The following PAPPA2 variants were observed in gnomAD, a reference collection of about 807,000 sequenced individuals.
PAPPA2 encodes pappalysin 2, also known as pappalysin-2.
In PAPPA2, 86 loss-of-function variants were observed where a neutral mutation model predicts 176.4. The ratio of observed to expected loss-of-function variants is 0.49; its 90% CI spans 0.41 to 0.58. The LOEUF is 0.58. PAPPA2 is among the 20% of genes least tolerant of loss of function. PAPPA2 has a pLI of 0.00. For synonymous variants in PAPPA2, 809 were observed against 852.2 expected, an observed-to-expected ratio of 0.95 and a Z score of 0.88; for missense variants, 2,073 against 2,256.9, an observed-to-expected ratio of 0.92 and a Z score of 1.65.
At chr1:176,739,485 CATATTTTTAGCATTTATAAAAAAAATGG>C in intron 12 of PAPPA2, 113 bp from the exon 13 acceptor site, 1 of 807,170 alleles carries the variant, frequency 1.2e-6, no homozygotes, top group Non-Finnish European at 1.9e-6. Flanking sequence ...GTGTCTACTC[CATATTTTTAGCATTTATAAAAAAAATGG>C]AAGCTCTTAC....
intron 14 of PAPPA2, among the ~76,000 whole-genome samples, chr1:176,745,440 C>G (rs1410580341): frequency 6.6e-6 from 1 of 152,324 alleles, no homozygotes; most frequent in East Asian, 1.9e-4. Context: ...TGATTGTACT[C>G]AAGACCAAAG....
intron 1 of PAPPA2, among the ~76,000 whole-genome samples, chr1:176,482,167 G>T (rs1204547946): frequency 6.6e-6 from 1 of 152,138 alleles, no homozygotes; most frequent in Non-Finnish European, 1.5e-5. Context: ...GGTAAAAGAG[G>T]ACAGCCATTC....
At chr1:176,684,225 A>G (rs767650004) in intron 4 of PAPPA2, among the ~76,000 whole-genome samples, 51 of 152,328 alleles carry the variant, frequency 3.3e-4, no homozygotes, top group Non-Finnish European at 5.9e-4. Flanking sequence ...TGGAGTAAGA[A>G]GAAGAGAAGC....
rs1210002493 is a variant in PAPPA2, at chr1:176,770,835, A to T, written c.4502-132A>T. 1.9e-5 allele frequency: 15 copies of T among 772,088 alleles called. No individual in the cohort carries two copies. In the East Asian group the frequency reaches 3.5e-4, roughly 18 times the overall value. The allele number at this position is 772,088 out of a possible 1,614,324, so 47.8% of individuals were successfully genotyped here. On this transcript the variant is annotated intron_variant, in intron 16 of 22. Transcript: ENST00000367662. ...TAACATTTGATGTGGGATTTTTGAG[A>T]TGCTACTCAAGAAAGAATAATATGA...
intron 4 of PAPPA2, among the ~76,000 whole-genome samples, chr1:176,689,554 A>G (rs1450846490): frequency 1.3e-5 from 2 of 152,220 alleles, no homozygotes; most frequent in African/African-American, 2.4e-5. Context: ...CCAAACACTG[A>G]AAAACAAACA....
intron 20 of PAPPA2, among the ~76,000 whole-genome samples, chr1:176,796,867 C>G (rs569937818): frequency 6.6e-6 from 1 of 151,324 alleles, no homozygotes; most frequent in Admixed American, 6.6e-5. Context: ...CACGTCCTTC[C>G]TTCCTCCCTC....
At chr1:176,525,536 T>G (rs915545608) in intron 1 of PAPPA2, among the ~76,000 whole-genome samples, 2 of 152,214 alleles carry the variant, frequency 1.3e-5, no homozygotes, top group African/African-American at 4.8e-5. Flanking sequence ...TATGACTACC[T>G]TAGAATCACC....
intron 3 of PAPPA2, among the ~76,000 whole-genome samples, chr1:176,608,519 TC>T (rs1454758473): frequency 6.6e-6 from 1 of 152,254 alleles, no homozygotes; most frequent in Non-Finnish European, 1.5e-5. Flanking sequence ...GGGAAAATTT[TC>T]CCCGTGTTTT....
At chr1:176,664,616 T>A (rs1658530202) in intron 3 of PAPPA2, among the ~76,000 whole-genome samples, 1 of 152,180 alleles carries the variant, frequency 6.6e-6, no homozygotes, top group South Asian at 2.1e-4. Context: ...GACACGGACA[T>A]CCTTGAGGGC....
At chr1:176,518,695 A>G (rs1332945240) in intron 1 of PAPPA2, among the ~76,000 whole-genome samples, 1 of 152,176 alleles carries the variant, frequency 6.6e-6, no homozygotes, top group Non-Finnish European at 1.5e-5. Context: ...ATGAGCCCAC[A>G]TGTGTGTGGA....
intron 1 of PAPPA2, among the ~76,000 whole-genome samples, chr1:176,535,188 T>G (rs1344790343): frequency 6.6e-6 from 1 of 152,162 alleles, no homozygotes; most frequent in African/African-American, 2.4e-5. Context: ...AAGGGGCATG[T>G]TCTCTTCTCC....
At chr1:176,772,556 T>C (rs781626166) in intron 17 of PAPPA2, among the ~76,000 whole-genome samples, 2 of 152,044 alleles carry the variant, frequency 1.3e-5, no homozygotes, top group Non-Finnish European at 2.9e-5. Flanking sequence ...CCCAGGCTCA[T>C]ATGTGGGAGG....
At chr1:176,468,975 A>G (rs1651754981) in intron 1 of PAPPA2, among the ~76,000 whole-genome samples, 1 of 152,204 alleles carries the variant, frequency 6.6e-6, no homozygotes, top group Non-Finnish European at 1.5e-5. Flanking sequence ...GTAACTTGTA[A>G]GAGCTGGTAG....
chr1:176,649,713 A>G (rs1174331619), intron 3 of PAPPA2, among the ~76,000 whole-genome samples: 1 of 151,496 alleles, frequency 6.6e-6, no homozygotes, highest in Non-Finnish European at 1.5e-5. Context: ...GTTTTCTGAC[A>G]TTCCTTTTGC....
At chr1:176,754,363 C>T (rs1431479516) in intron 14 of PAPPA2, among the ~76,000 whole-genome samples, 2 of 152,224 alleles carry the variant, frequency 1.3e-5, no homozygotes, top group Admixed American at 6.5e-5. Flanking sequence ...TAAGTCTCAA[C>T]AATCTCCAGA....
At chr1:176,702,566 C>T (rs1448197933) in intron 8 of PAPPA2, 41 bp from the exon 9 acceptor site, 3 of 1,607,844 alleles carry the variant, frequency 1.9e-6, no homozygotes, top group Non-Finnish European at 2.6e-6. Flanking sequence ...GCATGCCTCA[C>T]TTTGTGGCTG....
chr1:176,801,489 C>T (rs1214239244), intron 21 of PAPPA2, among the ~76,000 whole-genome samples: 1 of 152,164 alleles, frequency 6.6e-6, no homozygotes, highest in African/African-American at 2.4e-5. Context: ...CAGCACTCTG[C>T]GAGCGCATCA....
At chr1:176,668,112 C>G (rs919949729) in intron 3 of PAPPA2, among the ~76,000 whole-genome samples, 1 of 152,136 alleles carries the variant, frequency 6.6e-6, no homozygotes, top group Non-Finnish European at 1.5e-5. Context: ...GTACTCTCCA[C>G]GGGGCATGTC....
Position 176,753,396 on chromosome 1 carries a change from A to G in PAPPA2, c.4152-12270A>G, listed in dbSNP as rs1041869153. On this transcript the variant is annotated intron_variant, in intron 14 of 22. Transcript: ENST00000367662. ...CTTTACGGATTCCTATTGTGCTTCA[A>G]TTATTTGGAGCTCAGATTTGAAATG... Among the ~76,000 whole-genome samples, 49 of 151,924 alleles carry G rather than the reference A, an allele frequency of 3.2e-4. 1 individual carries two copies. The highest frequency in any genetic ancestry group is 1.0e-4 in the Non-Finnish European group (7 of 68,002).
Sources: gnomAD v4.1 joint callset for allele counts (sites outside exome capture counted in the v4.1 genomes callset) on GRCh38, gnomAD v4.1.1 for gene constraint, MANE v1.5 for transcripts, NCBI Gene and HGNC (gene_info 2026-07-23, HGNC 2026-07-21) for gene names.